Variants in RNLS observed in about 807,000 individuals in gnomAD.
RNLS encodes the protein renalase.
Under a neutral mutation model 39.8 loss-of-function variants are expected in RNLS, and 39 were observed. The ratio of observed to expected loss-of-function variants is 0.98; its 90% CI spans 0.76 to 1.28. RNLS has a LOEUF of 1.28. RNLS is among the 50% of genes most tolerant of loss of function. The probability of loss-of-function intolerance (pLI) is 0.00; values close to 1 mark genes in which losing one functional copy is unlikely to be tolerated. For synonymous variants in RNLS, 147 were observed against 150.7 expected, an observed-to-expected ratio of 0.98 and a Z score of 0.18; for missense variants, 410 against 413.3, an observed-to-expected ratio of 0.99 and a Z score of 0.07.
chr10:88,571,622 C>T (rs1379020181), intron 4 of RNLS, among the ~76,000 whole-genome samples: 7 of 152,200 alleles, frequency 4.6e-5, no homozygotes, highest in Admixed American at 2.0e-4. Context: ...CAAAAGCTAA[C>T]TGAGCAAGTG....
chr10:88,201,694 C>CA, the RNLS span, among the ~76,000 whole-genome samples: 8 of 147,246 alleles, frequency 5.4e-5, no homozygotes, highest in East Asian at 4.0e-4. Flanking sequence ...AATTGTGAGC[C>CA]AAAAAAAAAA....
intron 4 of RNLS, among the ~76,000 whole-genome samples, chr10:88,488,187 T>C (rs961945182): frequency 7.9e-5 from 12 of 152,058 alleles, no homozygotes; most frequent in African/African-American, 2.7e-4. Flanking sequence ...ATATAAAACA[T>C]TAAATTATAT....
At chr10:88,315,820 G>A (rs1338553702) in intron 5 of RNLS, among the ~76,000 whole-genome samples, 1 of 149,620 alleles carries the variant, frequency 6.7e-6, no homozygotes, top group African/African-American at 2.5e-5. Flanking sequence ...CCACCACATA[G>A]GTCTATGATG....
At chr10:88,224,037 GA>G in the RNLS span, among the ~76,000 whole-genome samples, 72,859 of 130,876 alleles carry the variant, frequency 0.56, 18,484 homozygotes, top group East Asian at 0.61. Context: ...TGAGCACTCA[GA>G]AAAAAAAAAA....
At chr10:88,309,898 A>C (rs912307524) in intron 6 of RNLS, among the ~76,000 whole-genome samples, 9 of 152,202 alleles carry the variant, frequency 5.9e-5, no homozygotes, top group Non-Finnish European at 8.8e-5. Flanking sequence ...AAGAGATACC[A>C]GTAAAGATTG....
chr10:88,366,847 C>T (rs377714298), intron 4 of RNLS, among the ~76,000 whole-genome samples: 68 of 151,606 alleles, frequency 4.5e-4, no homozygotes, highest in Admixed American at 1.4e-3. Flanking sequence ...TCCTTGTTCC[C>T]GCTCAAGTTG....
chr10:88,172,111 T>C, the RNLS span, among the ~76,000 whole-genome samples: 1 of 152,252 alleles, frequency 6.6e-6, no homozygotes, highest in Non-Finnish European at 1.5e-5. Flanking sequence ...TCTTGGCTAC[T>C]GTAAATAATA....
chr10:88,216,599 A>C, the RNLS span, among the ~76,000 whole-genome samples: 1 of 152,212 alleles, frequency 6.6e-6, no homozygotes, highest in African/African-American at 2.4e-5. Context: ...CCACATCCTA[A>C]ATTAACGGCT....
At chr10:88,262,442 A>G in the RNLS span, among the ~76,000 whole-genome samples, 1 of 152,200 alleles carries the variant, frequency 6.6e-6, no homozygotes, top group Non-Finnish European at 1.5e-5. Flanking sequence ...AACAGGACTC[A>G]GATCGGCACC....
intron 4 of RNLS, among the ~76,000 whole-genome samples, chr10:88,388,467 C>T (rs1320675355): frequency 2.0e-5 from 3 of 152,126 alleles, no homozygotes. Context: ...GTTTAATTTG[C>T]CTCACTCTGC....
chr10:88,424,147 G>T (rs1854570985), intron 4 of RNLS, among the ~76,000 whole-genome samples: 1 of 152,130 alleles, frequency 6.6e-6, no homozygotes, highest in Non-Finnish European at 1.5e-5. Flanking sequence ...CCCTCCATCG[G>T]AACTGAAGGT....
chr10:88,449,420 G>A (rs911993018), intron 4 of RNLS, among the ~76,000 whole-genome samples: 5 of 152,210 alleles, frequency 3.3e-5, no homozygotes, highest in African/African-American at 1.2e-4. Context: ...CCCAGCTCAA[G>A]TGTCACCTTC....
chr10:88,510,012 C>T (rs1013100052), intron 4 of RNLS, among the ~76,000 whole-genome samples: 3 of 151,988 alleles, frequency 2.0e-5, no homozygotes, highest in Non-Finnish European at 4.4e-5. Flanking sequence ...GTAAGTAATC[C>T]CCTAGGATAT....
At chr10:88,424,991 C>T (rs1854648604) in intron 4 of RNLS, among the ~76,000 whole-genome samples, 1 of 152,118 alleles carries the variant, frequency 6.6e-6, no homozygotes, top group Non-Finnish European at 1.5e-5. Flanking sequence ...GCATCCTGCT[C>T]GTTTTTCACA....
At chr10:88,469,788 GATCC>G (rs1433208081) in intron 4 of RNLS, among the ~76,000 whole-genome samples, 1 of 150,052 alleles carries the variant, frequency 6.7e-6, no homozygotes, top group Admixed American at 6.7e-5. Flanking sequence ...GGAAATAATG[GATCC>G]ATCTATGGGT....
At chr10:88,211,313 T>A in the RNLS span, among the ~76,000 whole-genome samples, 3 of 152,204 alleles carry the variant, frequency 2.0e-5, no homozygotes, top group Admixed American at 6.6e-5. Context: ...AAAACTTTAC[T>A]GAATATCTAA....
chr10:88,469,615 C>T (rs377348333), intron 4 of RNLS, among the ~76,000 whole-genome samples: 123 of 152,236 alleles, frequency 8.1e-4, no homozygotes, highest in African/African-American at 2.7e-3. Context: ...CATATTAGCA[C>T]TAGCATAAGG....
At chr10:88,215,987 C>T in the RNLS span, among the ~76,000 whole-genome samples, 9 of 152,096 alleles carry the variant, frequency 5.9e-5, no homozygotes, top group South Asian at 4.1e-4. Context: ...TGTAAGCCAC[C>T]GTGCCCGGCC....
rs534333627 is a variant in RNLS at position 88,578,680 on chromosome 10, AG to A, written c.367+2886del. Among the ~76,000 whole-genome samples, 211 of 152,250 alleles carry A rather than the reference AG, an allele frequency of 1.4e-3. 1 individual carries two copies. Among genetic ancestry groups the A allele is most frequent in the African/African-American group, 4.9e-3 (202 of 41,568 alleles). On this transcript the variant is annotated intron_variant, in intron 3 of 6. Coordinates refer to ENST00000331772, the MANE Select transcript of RNLS (RefSeq NM_001031709.3). ...ATTTATATCACTCTACCTACTATGTAGGAGGTACTATTAGTTTCTGAGTGAG... is the reference window on the plus strand; with the variant it reads ...ATTTATATCACTCTACCTACTATGTAGAGGTACTATTAGTTTCTGAGTGAG...
Sources: allele counts gnomAD v4.1 joint callset (sites outside exome capture counted in the v4.1 genomes callset), GRCh38; gene constraint gnomAD v4.1.1; transcripts MANE v1.5; gene names NCBI Gene and HGNC (gene_info 2026-07-23, HGNC 2026-07-21).